Variants in WDFY3 observed in about 807,000 individuals in gnomAD.
WDFY3 encodes the protein WD repeat and FYVE domain-containing protein 3.
WDFY3 carries 66 observed loss-of-function variants against 409.6 expected under a neutral mutation model. That is an observed-to-expected ratio of 0.16 (90% CI 0.13 to 0.20). The LOEUF (loss-of-function observed/expected upper bound fraction) is 0.20. WDFY3 is among the 10% of genes least tolerant of loss of function. The pLI is 1.00. For synonymous variants in WDFY3, 1,521 were observed against 1,537.1 expected (o/e 0.99, Z 0.25); for missense variants, 3,031 against 4,298.1 (o/e 0.71, Z 8.24).
Position 84,831,202 on chromosome 4 carries a change from A to T in WDFY3, c.769+211T>A, listed in dbSNP as rs1263813891. 2.6e-5 allele frequency among the ~76,000 whole-genome samples: 4 copies of T among 151,584 alleles called. No homozygotes were observed. The East Asian group carries it at 7.7e-4, about 29-fold the overall frequency. The stretch of plus-strand genomic sequence containing the variant: ...ACTCCATCCAAAAAAAAAAAAAAAA[A>T]GAAATATCTATTGTTCAGAACTTAT... On this transcript the variant is annotated intron_variant, in intron 8 of 67. Transcript: ENST00000295888.
intron 3 of WDFY3, among the ~76,000 whole-genome samples, chr4:84,880,507 A>G (rs1436267943): frequency 6.6e-6 from 1 of 151,290 alleles, no homozygotes; most frequent in Non-Finnish European, 1.5e-5. Context: ...ATCTAGTAAA[A>G]TTGACCATAT....
At chr4:84,815,605 C>T (rs1442450341) in intron 13 of WDFY3, among the ~76,000 whole-genome samples, 3 of 152,102 alleles carry the variant, frequency 2.0e-5, no homozygotes, top group Middle Eastern at 3.4e-3. Flanking sequence ...GAGTTTAGGC[C>T]AATTATTTCA....
intron 13 of WDFY3, among the ~76,000 whole-genome samples, chr4:84,811,855 A>G (rs1041397642): frequency 9.2e-5 from 14 of 152,210 alleles, no homozygotes; most frequent in African/African-American, 3.4e-4. Context: ...GCACATATAC[A>G]GTAAGTTATC....
intron 3 of WDFY3, among the ~76,000 whole-genome samples, chr4:84,869,271 A>G (rs1761854359): frequency 6.6e-6 from 1 of 152,204 alleles, no homozygotes; most frequent in African/African-American, 2.4e-5. Context: ...CACTCGCTGA[A>G]TCTGTGGTCT....
intron 62 of WDFY3, among the ~76,000 whole-genome samples, chr4:84,686,034 C>A (rs1487139006): frequency 6.6e-6 from 1 of 152,156 alleles, no homozygotes; most frequent in Non-Finnish European, 1.5e-5. Context: ...CTGAAAACCT[C>A]TTAAACCTTT....
At chr4:84,678,052 A>G (rs894426527) in intron 66 of WDFY3, 116 bp downstream of exon 66, 4 of 707,156 alleles carry the variant, frequency 5.7e-6, no homozygotes, top group South Asian at 1.7e-5. Flanking sequence ...TCTTTGAGCT[A>G]CATACGATAA....
chr4:84,818,209 A>T (rs559336658), intron 12 of WDFY3, among the ~76,000 whole-genome samples: 9 of 152,162 alleles, frequency 5.9e-5, no homozygotes, highest in Non-Finnish European at 1.3e-4. Context: ...ACAGAAAAGG[A>T]TGTATGCCTA....
intron 1 of WDFY3, among the ~76,000 whole-genome samples, chr4:84,962,675 CTT>C (rs373118403): frequency 1.6e-4 from 22 of 136,122 alleles, no homozygotes; most frequent in South Asian, 2.3e-4. Context: ...GGAGCCATTT[CTT>C]TTTTTTTTTT....
rs547347718 is a variant in WDFY3 at position 84,904,082 on chromosome 4, T to C, written c.-131-7072A>G. On this transcript the variant is annotated intron_variant, in intron 2 of 67. Transcript: ENST00000295888. ...TCTCATAAACTGATTAGTGTCCTTA[T>C]AAAAGCTCCTTTGCCTCTTCCACAT... Among the ~76,000 whole-genome samples, 4 of 152,258 alleles carry C rather than the reference T, an allele frequency of 2.6e-5. No homozygotes were observed. In the East Asian group the frequency reaches 7.7e-4, roughly 29 times the overall value.
intron 3 of WDFY3, among the ~76,000 whole-genome samples, chr4:84,892,761 T>C (rs1169147960): frequency 1.3e-5 from 2 of 152,164 alleles, no homozygotes; most frequent in Admixed American, 6.6e-5. Flanking sequence ...CCTTTTGGAG[T>C]TTAGATTCTC....
intron 2 of WDFY3, among the ~76,000 whole-genome samples, chr4:84,929,958 C>G (rs925101580): frequency 2.0e-5 from 3 of 151,508 alleles, no homozygotes; most frequent in African/African-American, 7.3e-5. Flanking sequence ...GAAGGAAGAC[C>G]GTGCAAAGAG....
At chr4:84,727,207 G>C (rs1271910518) in intron 44 of WDFY3, among the ~76,000 whole-genome samples, 1 of 151,540 alleles carries the variant, frequency 6.6e-6, no homozygotes, top group Non-Finnish European at 1.5e-5. Context: ...CATTGACTTG[G>C]ATGATTTACA....
At chr4:84,846,193 T>G (rs1433207713) in intron 5 of WDFY3, among the ~76,000 whole-genome samples, 1 of 151,982 alleles carries the variant, frequency 6.6e-6, no homozygotes, top group Non-Finnish European at 1.5e-5. Context: ...TTAATGAATT[T>G]CACAAGCTTA....
intron 3 of WDFY3, among the ~76,000 whole-genome samples, chr4:84,885,029 C>G (rs1487792676): frequency 6.6e-6 from 1 of 152,102 alleles, no homozygotes; most frequent in Non-Finnish European, 1.5e-5. Context: ...GAGGTGAAGT[C>G]TCACTCTGTC....
At chr4:84,847,132 T>C (rs1029636943) in intron 5 of WDFY3, among the ~76,000 whole-genome samples, 1 of 151,992 alleles carries the variant, frequency 6.6e-6, no homozygotes, top group Admixed American at 6.6e-5. Flanking sequence ...GCTTGAGGTC[T>C]CCAAACCTTT....
At chr4:84,795,011 G>A (rs1749139509) in intron 19 of WDFY3, 32 bp from the exon 20 acceptor site, 2 of 1,448,690 alleles carry the variant, frequency 1.4e-6, no homozygotes, top group African/African-American at 2.9e-5. Context: ...ACATATTAGA[G>A]ATCAATGACT....
chr4:84,850,710 C>T (rs1020066868), intron 4 of WDFY3, among the ~76,000 whole-genome samples: 1 of 152,012 alleles, frequency 6.6e-6, no homozygotes, highest in Non-Finnish European at 1.5e-5. Context: ...TGAAAAGCAG[C>T]TCTACTGCTA....
chr4:84,715,196 G>T (rs1343449929), intron 50 of WDFY3, 102 bp downstream of exon 50: 1 of 625,106 alleles, frequency 1.6e-6, no homozygotes, highest in Non-Finnish European at 2.8e-6. Context: ...CAAAGATGTT[G>T]GCTCATTGAT....
intron 3 of WDFY3, among the ~76,000 whole-genome samples, chr4:84,883,317 A>G (rs749026462): frequency 1.1e-4 from 16 of 152,160 alleles, no homozygotes; most frequent in Non-Finnish European, 1.3e-4. Flanking sequence ...ATATTAGGTA[A>G]ATCTATCTGA....
Sources: allele counts gnomAD v4.1 joint callset (sites outside exome capture counted in the v4.1 genomes callset), GRCh38; gene constraint gnomAD v4.1.1; transcripts MANE v1.5; gene names NCBI Gene and HGNC (gene_info 2026-07-23, HGNC 2026-07-21).